The following R3HDM1 variants were observed in gnomAD, a reference collection of about 807,000 sequenced individuals.
R3HDM1 encodes the protein R3H domain-containing protein 1.
A neutral mutation model predicts 141.1 loss-of-function variants in R3HDM1; 46 were observed. The observed-to-expected ratio is 0.33, with a 90% CI of 0.26 to 0.42. R3HDM1 has a LOEUF of 0.42. Ranked by LOEUF, R3HDM1 falls within the 10% of genes least tolerant of loss-of-function variation. The pLI, the probability that R3HDM1 is intolerant of heterozygous loss-of-function variation, is 1.00. For synonymous variants in R3HDM1, 435 were observed against 472.9 expected (o/e 0.92, Z 1.04); for missense variants, 1,184 against 1,368.3 (o/e 0.87, Z 2.12).
At position 135,566,811 on chromosome 2, in the gene R3HDM1, A is replaced by G. The variant is rs114642661; in HGVS notation, c.-250+35178A>G. 292 of 974,242 alleles carry G rather than the reference A, an allele frequency of 3.0e-4. No homozygotes were observed. In the African/African-American group the frequency reaches 4.9e-3, roughly 16 times the overall value. The allele number at this position is 974,242 out of a possible 1,614,324, so 60.3% of individuals were successfully genotyped here. ...AATCATGGTGAAACCCCGTCTCTAC[A>G]AAAATACGAAAATTAGCCAGCATGA... On this transcript the variant is annotated intron_variant, in intron 1 of 26. Coordinates refer to ENST00000683871, the MANE Select transcript of R3HDM1 (RefSeq NM_001378107.1).
At chr2:135,639,403 T>C (rs1273426507) in intron 14 of R3HDM1, among the ~76,000 whole-genome samples, 1 of 152,226 alleles carries the variant, frequency 6.6e-6, no homozygotes, top group African/African-American at 2.4e-5. Context: ...TATCTCTTGA[T>C]TGAATGCCCA....
At chr2:135,630,607 A>G (rs1009622806) in intron 7 of R3HDM1, among the ~76,000 whole-genome samples, 1 of 152,194 alleles carries the variant, frequency 6.6e-6, no homozygotes, top group African/African-American at 2.4e-5. Context: ...GAGGAGAATC[A>G]AATGCAGGTC....
intron 21 of R3HDM1, among the ~76,000 whole-genome samples, chr2:135,697,812 A>C (rs934879197): frequency 6.6e-6 from 1 of 152,048 alleles, no homozygotes; most frequent in African/African-American, 2.4e-5. Context: ...CCAGCACTTT[A>C]GGAGGCCAAG....
At chr2:135,593,186 C>A (rs1709741362) in intron 1 of R3HDM1, among the ~76,000 whole-genome samples, 1 of 152,114 alleles carries the variant, frequency 6.6e-6, no homozygotes, top group East Asian at 1.9e-4. Context: ...TCCCAAAGTG[C>A]TGGGATTACA....
chr2:135,574,715 A>C (rs1343272267), intron 1 of R3HDM1, among the ~76,000 whole-genome samples: 1 of 152,136 alleles, frequency 6.6e-6, no homozygotes, highest in Non-Finnish European at 1.5e-5. Flanking sequence ...TTGTGAGGAA[A>C]ACTCAGTGTC....
At chr2:135,701,083 C>G (rs2074133737) in intron 21 of R3HDM1, among the ~76,000 whole-genome samples, 1 of 152,098 alleles carries the variant, frequency 6.6e-6, no homozygotes, top group Admixed American at 6.6e-5. Flanking sequence ...GGAATGTGGT[C>G]TCTCAAAATA....
rs548436817 is a variant in R3HDM1, at chr2:135,659,049, C to CTGTGTGTGTGTGTG, written c.2029-2195_2029-2182dup. The stretch of plus-strand genomic sequence containing the variant: ...TACCTCCTGAAAGACCTACCTGAGT[C>CTGTGTGTGTGTGTG]TGTGTGTGTGTGTGTGTGTGTGTGT... On this transcript the variant is annotated intron_variant, in intron 18 of 26. Coordinates refer to ENST00000683871, the MANE Select transcript of R3HDM1 (RefSeq NM_001378107.1). 8.5e-3 allele frequency among the ~76,000 whole-genome samples: 1,076 copies of CTGTGTGTGTGTGTG among 126,458 alleles called. 16 individuals are homozygous for CTGTGTGTGTGTGTG. Among genetic ancestry groups the CTGTGTGTGTGTGTG allele is most frequent in the East Asian group, 0.071 (312 of 4,404 alleles). The allele number at this position is 126,458 out of a possible 152,430, so 83.0% of individuals were successfully genotyped here. A position where few individuals can be genotyped will look rare whatever the true frequency, so the allele number is the denominator to read the frequency against.
chr2:135,572,987 C>T (rs983943668), intron 1 of R3HDM1, among the ~76,000 whole-genome samples: 1 of 151,946 alleles, frequency 6.6e-6, no homozygotes, highest in Non-Finnish European at 1.5e-5. Flanking sequence ...GTGGTTGTCT[C>T]GGGCTGGATG....
intron 3 of R3HDM1, among the ~76,000 whole-genome samples, chr2:135,615,047 C>CA (rs2060893229): frequency 6.6e-6 from 1 of 152,022 alleles, no homozygotes; most frequent in South Asian, 2.1e-4. Context: ...GTATAAGAAA[C>CA]AAAGTCATTT....
At chr2:135,636,932 A>T (rs189457630) in intron 11 of R3HDM1, among the ~76,000 whole-genome samples, 1 of 152,354 alleles carries the variant, frequency 6.6e-6, no homozygotes, top group East Asian at 1.9e-4. Context: ...CAGTTAAAAT[A>T]ATTTATCCCC....
chr2:135,561,171 T>A (rs1025386990), intron 1 of R3HDM1: 3 of 339,150 alleles, frequency 8.8e-6, no homozygotes, highest in African/African-American at 6.7e-5. Context: ...TAAAGAATGC[T>A]TCTGATACCA....
chr2:135,711,953 T>A (rs1387394657), intron 23 of R3HDM1, among the ~76,000 whole-genome samples: 12 of 115,058 alleles, frequency 1.0e-4, no homozygotes, highest in African/African-American at 4.0e-4. Flanking sequence ...AGCGAGACTC[T>A]GTCTAAAATT....
At chr2:135,559,137 G>A (rs1701341120) in intron 1 of R3HDM1, 6 of 779,958 alleles carry the variant, frequency 7.7e-6, no homozygotes, top group Non-Finnish European at 9.3e-6. Context: ...TCGGAGACAG[G>A]GCCTCGCTTG....
At chr2:135,706,920 G>A (rs1213067642) in intron 21 of R3HDM1, among the ~76,000 whole-genome samples, 1 of 152,060 alleles carries the variant, frequency 6.6e-6, no homozygotes, top group Admixed American at 6.6e-5. Context: ...GTGGTGGCCG[G>A]GCAGAGGGGC....
chr2:135,688,928 T>G (rs573548202), intron 21 of R3HDM1, among the ~76,000 whole-genome samples: 101 of 152,252 alleles, frequency 6.6e-4, no homozygotes, highest in Non-Finnish European at 9.7e-4. Flanking sequence ...AGAGCGAGAC[T>G]CCTTCTCAAA....
At chr2:135,637,970 G>A (rs545069519) in intron 11 of R3HDM1, among the ~76,000 whole-genome samples, 13 of 152,156 alleles carry the variant, frequency 8.5e-5, no homozygotes, top group African/African-American at 1.2e-4. Flanking sequence ...AATGGTCATG[G>A]CTGTGTTCCA....
At chr2:135,706,654 A>G (rs1218099146) in intron 21 of R3HDM1, among the ~76,000 whole-genome samples, 1 of 152,174 alleles carries the variant, frequency 6.6e-6, no homozygotes, top group Non-Finnish European at 1.5e-5. Context: ...TTTAACCCTG[A>G]GTGGACACAG....
intron 21 of R3HDM1, among the ~76,000 whole-genome samples, chr2:135,700,436 C>T (rs1392636678): frequency 6.6e-6 from 1 of 152,118 alleles, no homozygotes; most frequent in Non-Finnish European, 1.5e-5. Flanking sequence ...TGATGACTTA[C>T]AGCATTTTAA....
At chr2:135,709,363 C>T (rs2075352435) in intron 21 of R3HDM1, 70 bp from the exon 22 acceptor site, 14 of 1,588,624 alleles carry the variant, frequency 8.8e-6, no homozygotes, top group Admixed American at 8.7e-5. Flanking sequence ...GTGAGCACCG[C>T]GCCCAGCCCA....
Sources: allele counts gnomAD v4.1 joint callset (sites outside exome capture counted in the v4.1 genomes callset), GRCh38; gene constraint gnomAD v4.1.1; transcripts MANE v1.5; gene names NCBI Gene and HGNC (gene_info 2026-07-23, HGNC 2026-07-21).